AFAP1L1: variants seen among roughly 807,000 people sequenced by gnomAD.
The protein encoded by AFAP1L1 is actin filament associated protein 1 like 1.
Under a neutral mutation model 99.8 loss-of-function variants are expected in AFAP1L1, and 77 were observed. That is an observed-to-expected ratio of 0.77 (90% confidence interval 0.64 to 0.93). The LOEUF (loss-of-function observed/expected upper bound fraction) is 0.93, where lower values mean the gene tolerates loss of function less well. Among genes scored for constraint, AFAP1L1 ranks in the 40% least tolerant of loss-of-function variants. AFAP1L1 has a pLI of 0.00. For missense variants in AFAP1L1, 893 were observed against 996.8 expected (o/e 0.90, Z 1.40); for synonymous variants, 373 against 395.3 (o/e 0.94, Z 0.67).
chr5:149,280,204 C>T (rs986805734), intron 1 of AFAP1L1, among the ~76,000 whole-genome samples: 1 of 152,224 alleles, frequency 6.6e-6, no homozygotes, highest in South Asian at 2.1e-4. Context: ...CCATCATTTC[C>T]TTTGCCTTCA....
Position 149,340,207 on chromosome 5 carries a change from G to C in AFAP1L1, c.*177G>C. On this transcript the variant is annotated 3_prime_UTR_variant, in exon 19 of 19. Coordinates refer to ENST00000296721, the MANE Select transcript of AFAP1L1 (RefSeq NM_152406.4). ...TTTAGGGGATATGGGGAGGGAACAA[G>C]TAGAAGGGAAGAGGGAAATGGAGAG... The C allele has an allele frequency of 1.6e-6, 1 of 635,350 alleles. No individual in the cohort carries two copies. Among genetic ancestry groups the C allele is most frequent in the Non-Finnish European group, 2.7e-6 (1 of 366,122 alleles). The allele number at this position is 635,350 out of a possible 1,614,324, so 39.4% of individuals were successfully genotyped here.
intron 5 of AFAP1L1, among the ~76,000 whole-genome samples, chr5:149,303,788 G>C (rs1756308718): frequency 6.6e-6 from 1 of 152,060 alleles, no homozygotes; most frequent in Non-Finnish European, 1.5e-5. Context: ...ATGGGTGAAG[G>C]GAACGTATTT....
At chr5:149,273,528 T>C (rs1274258375) in intron 1 of AFAP1L1, among the ~76,000 whole-genome samples, 1 of 152,084 alleles carries the variant, frequency 6.6e-6, no homozygotes, top group Non-Finnish European at 1.5e-5. Context: ...TGCATTCACC[T>C]TCTCCTTCAG....
rs142599364 is a variant in AFAP1L1 at position 149,317,783 on chromosome 5, A to G, written c.1322A>G (p.Lys441Arg). ...QGWKERWCRL[K>R]CNTLYFHKDH... Reference sequence around the variant, plus strand: ...TGGAAGGAACGCTGGTGCCGCCTGAAGTGCAACACTCTGTATTTCCACAAG... The same window carrying G: ...TGGAAGGAACGCTGGTGCCGCCTGAGGTGCAACACTCTGTATTTCCACAAG... The change falls in exon 12 of 19, where the codon AAG (lysine) becomes AGG (arginine). Residue 441 changes from lysine (K) to arginine (R), a missense_variant. Transcript: ENST00000296721. 1.2e-4 allele frequency: 198 copies of G among 1,614,110 alleles called. No individual in the cohort carries two copies. In the African/African-American group the frequency reaches 2.3e-3, roughly 19 times the overall value.
rs371353054 is a variant in AFAP1L1, at chr5:149,313,919, G to A, written c.1020+1715G>A. ...AGGTGCAGGAGCAGGAAGAAGCATG[G>A]AACTGAAAACGGCCAGTATGGCTAA... On this transcript the variant is annotated intron_variant, in intron 9 of 18. Transcript: ENST00000296721. 4.4e-3 allele frequency among the ~76,000 whole-genome samples: 673 copies of A among 152,266 alleles called. 4 individuals are homozygous for A. The highest frequency in any genetic ancestry group is 6.2e-3 in the South Asian group (30 of 4,818).
chr5:149,287,112 G>C (rs992608003), intron 1 of AFAP1L1, among the ~76,000 whole-genome samples: 2 of 152,138 alleles, frequency 1.3e-5, no homozygotes, highest in African/African-American at 4.8e-5. Flanking sequence ...TCCTACAATG[G>C]AATAGCATGT....
Position 149,320,784 on chromosome 5 carries a change from T to C in AFAP1L1, c.1698+321T>C, listed in dbSNP as rs1317167690. ...TCCTCCTGTTTACCACTCTGTGAAC[T>C]TATCCTGCTGATTCCGTGGTGTCTG... On this transcript the variant is annotated intron_variant, in intron 14 of 18. Coordinates refer to ENST00000296721, the MANE Select transcript of AFAP1L1 (RefSeq NM_152406.4). The surrounding 1 kb of genome is among the most constrained non-coding windows in gnomAD (Gnocchi z 4.0). Among the ~76,000 whole-genome samples the C allele has an allele frequency of 1.3e-5, 2 of 152,216 alleles. No individual in the cohort carries two copies. The highest frequency in any genetic ancestry group is 1.3e-4 in the Admixed American group (2 of 15,286).
intron 15 of AFAP1L1, among the ~76,000 whole-genome samples, chr5:149,328,247 C>G (rs1406187385): frequency 6.6e-6 from 1 of 152,170 alleles, no homozygotes; most frequent in African/African-American, 2.4e-5. Flanking sequence ...GACAAGACCC[C>G]CAATTATCCA....
Position 149,296,198 on chromosome 5 carries a change from T to C in AFAP1L1, c.17-3311T>C, listed in dbSNP as rs1756011812. 2.0e-5 allele frequency among the ~76,000 whole-genome samples: 3 copies of C among 152,216 alleles called. No individual in the cohort carries two copies. The South Asian group carries it at 6.2e-4, about 32-fold the overall frequency. On this transcript the variant is annotated intron_variant, in intron 1 of 18. Transcript: ENST00000296721. ...ACAGGCACATGCCACCACTCCCAGC[T>C]AATTTTTTGTATACTTTTGTAGATG...
At chr5:149,289,906 A>C (rs1755798683) in intron 1 of AFAP1L1, among the ~76,000 whole-genome samples, 1 of 152,180 alleles carries the variant, frequency 6.6e-6, no homozygotes, top group Non-Finnish European at 1.5e-5. Flanking sequence ...CAGTTTCCAC[A>C]TGTGTAAGTG....
At chr5:149,309,846 G>A (rs1308543091) in intron 7 of AFAP1L1, 110 bp from the exon 8 acceptor site, 3 of 1,353,950 alleles carry the variant, frequency 2.2e-6, no homozygotes, top group East Asian at 4.7e-5. Flanking sequence ...AGGCTGGGTG[G>A]GGGAGGTCTC....
intron 1 of AFAP1L1, among the ~76,000 whole-genome samples, chr5:149,277,553 G>A (rs1393617542): frequency 6.6e-6 from 1 of 152,150 alleles, no homozygotes; most frequent in Non-Finnish European, 1.5e-5. Context: ...TGACATCCAA[G>A]TTCATTTCCT....
At chr5:149,333,169 G>A (rs1757306581) in intron 17 of AFAP1L1, among the ~76,000 whole-genome samples, 1 of 152,196 alleles carries the variant, frequency 6.6e-6, no homozygotes, top group Non-Finnish European at 1.5e-5. Context: ...GATAATAGTA[G>A]CCAGCATACA....
At chr5:149,323,584 T>C (rs1581335860) in intron 15 of AFAP1L1, among the ~76,000 whole-genome samples, 1 of 152,276 alleles carries the variant, frequency 6.6e-6, no homozygotes, top group Non-Finnish European at 1.5e-5. Context: ...CTTTTATTTT[T>C]TAATACCTAT....
At chr5:149,327,362 G>C (rs375748243) in intron 15 of AFAP1L1, among the ~76,000 whole-genome samples, 1 of 152,044 alleles carries the variant, frequency 6.6e-6, no homozygotes, top group African/African-American at 2.4e-5. Flanking sequence ...CAACAGAAAT[G>C]TATTTCTCAT....
intron 15 of AFAP1L1, among the ~76,000 whole-genome samples, chr5:149,326,357 G>T (rs988393243): frequency 6.6e-6 from 1 of 151,994 alleles, no homozygotes; most frequent in Non-Finnish European, 1.5e-5. Context: ...TAGCCAACAT[G>T]GCAAAAGCCT....
rs530990033 is a variant in AFAP1L1, at chr5:149,316,552, C to T, written c.1267+249C>T. On this transcript the variant is annotated intron_variant, in intron 11 of 18. Transcript: ENST00000296721. Reference sequence around the variant, plus strand: ...ACTGTATTTCTATGCTCCCTGTGACCGTAGCCCAAATCACTGCCCATCCCT... The same window carrying T: ...ACTGTATTTCTATGCTCCCTGTGACTGTAGCCCAAATCACTGCCCATCCCT... Among the ~76,000 whole-genome samples the T allele has an allele frequency of 1.4e-4, 21 of 152,258 alleles. 1 individual carries two copies. In the South Asian group the frequency reaches 3.5e-3, roughly 26 times the overall value.
chr5:149,303,055 C>T (rs780106058), intron 5 of AFAP1L1, among the ~76,000 whole-genome samples: 5 of 152,080 alleles, frequency 3.3e-5, no homozygotes, highest in Non-Finnish European at 5.9e-5. Flanking sequence ...CCCAGGGGTT[C>T]ATAACATGAT....
intron 15 of AFAP1L1, among the ~76,000 whole-genome samples, chr5:149,325,515 A>G (rs2127601677): frequency 6.6e-6 from 1 of 152,294 alleles, no homozygotes; most frequent in Admixed American, 6.5e-5. Flanking sequence ...AGCCAAGAAT[A>G]CTGGGGCCCT....
Sources: gnomAD v4.1 joint callset for allele counts (sites outside exome capture counted in the v4.1 genomes callset) on GRCh38, gnomAD v4.1.1 for gene constraint, Gnocchi (gnomAD v3.1) non-coding constraint, MANE v1.5 for transcripts, NCBI Gene and HGNC (gene_info 2026-07-23, HGNC 2026-07-21) for gene names.